CTNND2: variants seen among roughly 807,000 people sequenced by gnomAD.
CTNND2 encodes catenin delta 2.
A neutral mutation model predicts 144.4 loss-of-function variants in CTNND2; 22 were observed. That is an observed-to-expected ratio of 0.15 (90% CI 0.11 to 0.22). CTNND2 has a LOEUF of 0.22. CTNND2 is among the 10% of genes least tolerant of loss of function. The pLI is 1.00. For missense variants in CTNND2, 1,353 were observed against 1,618.8 expected, an observed-to-expected ratio of 0.84 and a Z score of 2.82; for synonymous variants, 751 against 695.6, an observed-to-expected ratio of 1.08 and a Z score of -1.25.
At chr5:10,989,603 T>C (rs1312935290) in intron 19 of CTNND2, among the ~76,000 whole-genome samples, 5 of 152,132 alleles carry the variant, frequency 3.3e-5, no homozygotes, top group African/African-American at 1.2e-4. Context: ...CTCTGTAGGG[T>C]CTCTTTGCTC....
At chr5:11,759,790 T>G (rs925685428) in intron 1 of CTNND2, among the ~76,000 whole-genome samples, 7 of 152,114 alleles carry the variant, frequency 4.6e-5, no homozygotes, top group African/African-American at 1.4e-4. Context: ...AATACAGCAA[T>G]GCTATGCAGT....
chr5:11,065,142 T>C (rs1747426838), intron 16 of CTNND2, among the ~76,000 whole-genome samples: 1 of 152,258 alleles, frequency 6.6e-6, no homozygotes. Context: ...GAAGCTAAAA[T>C]GCAGGTTTGC....
intron 1 of CTNND2, among the ~76,000 whole-genome samples, chr5:11,813,983 A>C (rs1320200866): frequency 6.6e-6 from 1 of 152,228 alleles, no homozygotes; most frequent in Admixed American, 6.5e-5. Context: ...AATCTATTAC[A>C]ACTACCATGA....
At chr5:11,598,285 T>C (rs936952227) in intron 2 of CTNND2, among the ~76,000 whole-genome samples, 3 of 152,158 alleles carry the variant, frequency 2.0e-5, no homozygotes, top group African/African-American at 7.2e-5. Context: ...GTTTGTATAA[T>C]AATGATAAAT....
At chr5:11,592,090 T>C (rs1187394933) in intron 2 of CTNND2, among the ~76,000 whole-genome samples, 1 of 151,870 alleles carries the variant, frequency 6.6e-6, no homozygotes, top group Non-Finnish European at 1.5e-5. Flanking sequence ...AGTTGAGGAT[T>C]CTGGCTCAGG....
At chr5:11,624,114 T>C (rs951814476) in intron 2 of CTNND2, among the ~76,000 whole-genome samples, 2 of 151,944 alleles carry the variant, frequency 1.3e-5, no homozygotes, top group Non-Finnish European at 1.5e-5. Flanking sequence ...CACTCGTTAA[T>C]AAGTGAAAAG....
At chr5:11,823,017 A>C (rs1266601930) in intron 1 of CTNND2, among the ~76,000 whole-genome samples, 1 of 152,210 alleles carries the variant, frequency 6.6e-6, no homozygotes, top group East Asian at 1.9e-4. Flanking sequence ...TAAAATATTC[A>C]ATTGCCTGTT....
At chr5:11,838,780 T>C (rs1794310392) in intron 1 of CTNND2, among the ~76,000 whole-genome samples, 1 of 152,204 alleles carries the variant, frequency 6.6e-6, no homozygotes, top group Non-Finnish European at 1.5e-5. Flanking sequence ...TTGTGTCATA[T>C]CTTAAAATCT....
At chr5:11,084,014 T>A in intron 15 of CTNND2, 1 of 946,396 alleles carries the variant, frequency 1.1e-6, no homozygotes, top group Non-Finnish European at 1.3e-6. Flanking sequence ...AGAAATCACA[T>A]TCACACAGTT....
At chr5:11,844,742 T>G (rs1408602830) in intron 1 of CTNND2, among the ~76,000 whole-genome samples, 2 of 152,188 alleles carry the variant, frequency 1.3e-5, no homozygotes, top group East Asian at 3.9e-4. Context: ...TCTCAATAAC[T>G]AGCTCATTTT....
intron 3 of CTNND2, among the ~76,000 whole-genome samples, chr5:11,552,516 C>A (rs1315875193): frequency 6.6e-6 from 1 of 152,166 alleles, no homozygotes; most frequent in African/African-American, 2.4e-5. Flanking sequence ...CTAAAATATT[C>A]AGATGAACAG....
intron 3 of CTNND2, among the ~76,000 whole-genome samples, chr5:11,484,541 T>C (rs1768616889): frequency 6.6e-6 from 1 of 152,206 alleles, no homozygotes; most frequent in South Asian, 2.1e-4. Flanking sequence ...ATTTATGCAC[T>C]AAGAAAGGCA....
At chr5:11,490,109 T>TCA (rs1347192894) in intron 3 of CTNND2, among the ~76,000 whole-genome samples, 1 of 152,202 alleles carries the variant, frequency 6.6e-6, no homozygotes, top group Non-Finnish European at 1.5e-5. Context: ...TAACTTTCTG[T>TCA]CTTTATTGTT....
chr5:11,314,871 A>C (rs1751339381), intron 9 of CTNND2, among the ~76,000 whole-genome samples: 2 of 152,220 alleles, frequency 1.3e-5, no homozygotes, highest in South Asian at 4.1e-4. Context: ...TAGGGTGGCC[A>C]GGGAAAATAG....
chr5:11,050,608 C>T (rs974237812), intron 16 of CTNND2, among the ~76,000 whole-genome samples: 7 of 152,178 alleles, frequency 4.6e-5, no homozygotes, highest in Non-Finnish European at 7.4e-5. Context: ...TCAGACAATG[C>T]ATAAAAACAG....
intron 15 of CTNND2, among the ~76,000 whole-genome samples, chr5:11,098,270 A>G (rs1157530695): frequency 1.3e-5 from 2 of 152,170 alleles, no homozygotes; most frequent in South Asian, 2.1e-4. Context: ...ACCTGTCACA[A>G]TCTGCACTGA....
At chr5:11,536,994 G>T (rs1774268037) in intron 3 of CTNND2, among the ~76,000 whole-genome samples, 1 of 151,966 alleles carries the variant, frequency 6.6e-6, no homozygotes, top group Admixed American at 6.6e-5. Context: ...TGGGGATTTA[G>T]AATACAAGTT....
intron 11 of CTNND2, among the ~76,000 whole-genome samples, chr5:11,170,358 A>G (rs1416878366): frequency 2.0e-5 from 3 of 152,224 alleles, no homozygotes; most frequent in Non-Finnish European, 2.9e-5. Flanking sequence ...ATTTGAGTTC[A>G]CAGAAGGAAG....
intron 1 of CTNND2, among the ~76,000 whole-genome samples, chr5:11,824,724 G>T (rs1793510679): frequency 6.6e-6 from 1 of 152,096 alleles, no homozygotes; most frequent in Admixed American, 6.5e-5. Context: ...GAATCCTGCT[G>T]GCACCCATCA....
Sources: gnomAD v4.1 joint callset for allele counts (sites outside exome capture counted in the v4.1 genomes callset) on GRCh38, gnomAD v4.1.1 for gene constraint, MANE v1.5 for transcripts, NCBI Gene and HGNC (gene_info 2026-07-23, HGNC 2026-07-21) for gene names.